The following CAST variants were observed in gnomAD, a reference collection of about 807,000 sequenced individuals.
CAST encodes calpastatin.
A neutral mutation model predicts 119.6 loss-of-function variants in CAST; 76 were observed. The ratio of observed to expected loss-of-function variants is 0.64; its 90% CI spans 0.53 to 0.77. The LOEUF is 0.77. CAST is among the 30% of genes least tolerant of loss of function. The probability of loss-of-function intolerance (pLI) is 0.00; values close to 1 mark genes in which losing one functional copy is unlikely to be tolerated. For synonymous variants in CAST, 319 were observed against 331.6 expected, an observed-to-expected ratio of 0.96 and a Z score of 0.41; for missense variants, 953 against 946.5, an observed-to-expected ratio of 1.01 and a Z score of -0.09.
chr5:96,273,900 C>G, the CAST span, among the ~76,000 whole-genome samples: 2 of 152,170 alleles, frequency 1.3e-5, no homozygotes, highest in African/African-American at 4.8e-5. Flanking sequence ...CAACACATCC[C>G]TGTGCCTGTC....
chr5:96,285,599 G>C, the CAST span, among the ~76,000 whole-genome samples: 1 of 152,214 alleles, frequency 6.6e-6, no homozygotes, highest in Non-Finnish European at 1.5e-5. Flanking sequence ...TTGAAAAAGA[G>C]AGAAACTTAA....
chr5:96,330,676 C>G, the CAST span, among the ~76,000 whole-genome samples: 1 of 152,164 alleles, frequency 6.6e-6, no homozygotes, highest in African/African-American at 2.4e-5. Flanking sequence ...GAGGAATTTT[C>G]CCTTTAGTCA....
At chr5:96,700,931 ATT>A (rs879659605) in intron 3 of CAST, among the ~76,000 whole-genome samples, 4 of 144,956 alleles carry the variant, frequency 2.8e-5, no homozygotes, top group Admixed American at 6.9e-5. Context: ...TGCGAAAAAA[ATT>A]TTTTTTTTTT....
chr5:96,695,968 G>A (rs879152201), intron 3 of CAST, 61 bp downstream of exon 3: 8 of 1,145,886 alleles, frequency 7.0e-6, no homozygotes, highest in African/African-American at 1.5e-5. Flanking sequence ...ATGATTAGTG[G>A]GTGGGGCCTG....
chr5:96,034,152 A>C, the CAST span, among the ~76,000 whole-genome samples: 1 of 152,106 alleles, frequency 6.6e-6, no homozygotes, highest in Non-Finnish European at 1.5e-5. Context: ...GTACCCCAAT[A>C]GACATTTCTC....
At chr5:96,258,124 CT>C in the CAST span, among the ~76,000 whole-genome samples, 5 of 152,052 alleles carry the variant, frequency 3.3e-5, no homozygotes, top group East Asian at 3.8e-4. Flanking sequence ...TCTTTCAGGG[CT>C]TCATTTTGCA....
chr5:96,137,076 G>C, the CAST span, among the ~76,000 whole-genome samples: 3 of 152,000 alleles, frequency 2.0e-5, no homozygotes, highest in African/African-American at 4.8e-5. Context: ...CATACCTTAA[G>C]GTTTACCCTT....
At chr5:96,412,707 G>C in the CAST span, among the ~76,000 whole-genome samples, 1 of 144,776 alleles carries the variant, frequency 6.9e-6, no homozygotes, top group African/African-American at 2.7e-5. Flanking sequence ...TCGCACTTTA[G>C]AGATAATACT....
At chr5:96,685,155 C>A (rs552411053) in intron 2 of CAST, among the ~76,000 whole-genome samples, 181 of 151,870 alleles carry the variant, frequency 1.2e-3, no homozygotes, top group Middle Eastern at 3.4e-3. Flanking sequence ...TTAGGTCCCA[C>A]CAAATTGTCT....
In CAST at chr5:96,713,390, C is replaced by T. The variant is rs111606952; in HGVS notation, c.211-9249C>T. Among the ~76,000 whole-genome samples the T allele has an allele frequency of 4.3e-3, 654 of 152,126 alleles. 11 individuals carry two copies. Among genetic ancestry groups the T allele is most frequent in the African/African-American group, 0.015 (613 of 41,518 alleles). On this transcript the variant is annotated intron_variant, in intron 3 of 31. Transcript: ENST00000675179. ...TGGTGATCCACCCACCTCAGCCTCC[C>T]GAAGTGCTGGGATTGCAGGTGTGAG...
At chr5:96,638,683 C>A (rs1202810859) in intron 1 of CAST, among the ~76,000 whole-genome samples, 2 of 152,156 alleles carry the variant, frequency 1.3e-5, no homozygotes, top group Non-Finnish European at 2.9e-5. Context: ...ATAAGCAGCT[C>A]AACTCTCAAA....
chr5:96,354,339 G>T, the CAST span, among the ~76,000 whole-genome samples: 3 of 152,034 alleles, frequency 2.0e-5, no homozygotes, highest in Non-Finnish European at 4.4e-5. Flanking sequence ...ATTTCACAAG[G>T]TTGTTACTAC....
the CAST span, among the ~76,000 whole-genome samples, chr5:96,509,443 G>A: frequency 6.6e-6 from 1 of 152,176 alleles, no homozygotes; most frequent in Non-Finnish European, 1.5e-5. Flanking sequence ...CCTGAGCTCT[G>A]TGACTCATAC....
chr5:95,994,465 T>C, the CAST span, among the ~76,000 whole-genome samples: 1 of 151,996 alleles, frequency 6.6e-6, no homozygotes, highest in Non-Finnish European at 1.5e-5. Context: ...AGGCTGGGTG[T>C]TAGGGGGAGG....
the CAST span, among the ~76,000 whole-genome samples, chr5:96,483,109 G>GA: frequency 1.5e-4 from 23 of 152,024 alleles, no homozygotes; most frequent in Non-Finnish European, 2.5e-4. Context: ...GTCAGCAAAA[G>GA]AAAAAACAAC....
the CAST span, among the ~76,000 whole-genome samples, chr5:96,340,421 T>C: frequency 2.0e-5 from 3 of 152,090 alleles, no homozygotes; most frequent in African/African-American, 7.2e-5. Flanking sequence ...TTGCTTTGGC[T>C]GATTCAATTT....
chr5:95,995,861 C>T, the CAST span, among the ~76,000 whole-genome samples: 1 of 152,120 alleles, frequency 6.6e-6, no homozygotes. Context: ...CTGCATACCC[C>T]TGCCCACAGT....
At chr5:96,175,293 C>A in the CAST span, among the ~76,000 whole-genome samples, 2 of 152,116 alleles carry the variant, frequency 1.3e-5, no homozygotes, top group African/African-American at 4.8e-5. Flanking sequence ...CAGTTCTGGG[C>A]AACCAGTGCC....
the CAST span, among the ~76,000 whole-genome samples, chr5:96,005,223 A>G: frequency 1.1e-4 from 17 of 152,326 alleles, no homozygotes; most frequent in Non-Finnish European, 2.1e-4. Flanking sequence ...CCCAAAGTCC[A>G]AGAGATAGAT....
Sources: gnomAD v4.1 joint callset for allele counts (sites outside exome capture counted in the v4.1 genomes callset) on GRCh38, gnomAD v4.1.1 for gene constraint, MANE v1.5 for transcripts, NCBI Gene and HGNC (gene_info 2026-07-23, HGNC 2026-07-21) for gene names.